Variants in VAV2 observed in about 807,000 individuals in gnomAD.
The protein encoded by VAV2 is vav guanine nucleotide exchange factor 2.
Under a neutral mutation model 132.5 loss-of-function variants are expected in VAV2, and 67 were observed. The observed-to-expected ratio is 0.51, with a 90% CI of 0.42 to 0.62. The LOEUF (loss-of-function observed/expected upper bound fraction) is 0.62, where lower values mean the gene tolerates loss of function less well. Ranked by LOEUF, VAV2 falls within the 20% of genes least tolerant of loss-of-function variation. The pLI is 0.00. For synonymous variants in VAV2, 492 were observed against 443.5 expected (o/e 1.11, Z -1.37); for missense variants, 938 against 1,153.6 (o/e 0.81, Z 2.71).
chr9:133,797,489 G>GAGTC (rs1263053988), intron 10 of VAV2, among the ~76,000 whole-genome samples: 1 of 152,184 alleles, frequency 6.6e-6, no homozygotes, highest in Non-Finnish European at 1.5e-5. Context: ...TCTCCATGGG[G>GAGTC]AGTCTCACTG....
At chr9:133,958,773 C>T (rs1176824545) in intron 1 of VAV2, among the ~76,000 whole-genome samples, 1 of 152,378 alleles carries the variant, frequency 6.6e-6, no homozygotes, top group Admixed American at 6.5e-5. Context: ...CAGAGCACAG[C>T]TCCATCACCA....
intron 4 of VAV2, among the ~76,000 whole-genome samples, chr9:133,829,120 C>A (rs1836164928): frequency 6.6e-6 from 1 of 152,184 alleles, no homozygotes. Flanking sequence ...AAGAGTTGGG[C>A]AGGAACGAAA....
intron 2 of VAV2, among the ~76,000 whole-genome samples, chr9:133,905,041 G>A (rs531376245): frequency 3.9e-5 from 6 of 152,316 alleles, no homozygotes; most frequent in East Asian, 1.9e-4. Context: ...AGCACCACAC[G>A]TGGAGGCTTC....
rs983089094 is a variant in VAV2 at position 133,840,816 on chromosome 9, A to G, written c.381-6476T>C. Among the ~76,000 whole-genome samples, 1 of 152,154 alleles carries G rather than the reference A, an allele frequency of 6.6e-6. No individual in the cohort carries two copies. Among genetic ancestry groups the G allele is most frequent in the South Asian group, 2.1e-4 (1 of 4,830 alleles). ...CAGGACTTCTGTGAAAATCTGCTAG[A>G]AACGATGGCGTCTGCAGGGCACCAC... On this transcript the variant is annotated intron_variant, in intron 3 of 29. Coordinates refer to ENST00000371850, the MANE Select transcript of VAV2 (RefSeq NM_001134398.2). The surrounding 1 kb of genome is among the most constrained non-coding windows in gnomAD (Gnocchi z 4.5).
At position 133,827,744 on chromosome 9, in the gene VAV2, C is replaced by CTGAGCACGGGCATCACCAG. The variant is rs1836085770; in HGVS notation, c.449+6527_449+6528insCTGGTGATGCCCGTGCTCA. 3.3e-4 allele frequency among the ~76,000 whole-genome samples: 2 copies of CTGAGCACGGGCATCACCAG among 6,138 alleles called. 1 individual carries two copies. Among genetic ancestry groups the CTGAGCACGGGCATCACCAG allele is most frequent in the African/African-American group, 8.6e-4 (2 of 2,332 alleles). 4.0% of individuals were successfully genotyped at this position (6,138 alleles called of 152,430 possible). A position where few individuals can be genotyped will look rare whatever the true frequency, so the allele number is the denominator to read the frequency against. On this transcript the variant is annotated intron_variant, in intron 4 of 29. Transcript: ENST00000371850. ...TGACCACTGAGCACGGGCATCACCA[C>CTGAGCACGGGCATCACCAG]CTACCGCTGCGCCCACTGGGGCTGA...
chr9:133,869,767 G>C (rs112094859), intron 2 of VAV2, among the ~76,000 whole-genome samples: 23 of 152,282 alleles, frequency 1.5e-4, no homozygotes, highest in Non-Finnish European at 3.1e-4. Flanking sequence ...CAGTAAGCAG[G>C]AACTGCACAG....
intron 1 of VAV2, among the ~76,000 whole-genome samples, chr9:133,973,521 G>A (rs1342235294): frequency 6.6e-6 from 1 of 152,172 alleles, no homozygotes. Context: ...AAAGGGCAGC[G>A]GTGCAGAAAA....
At position 133,834,431 on chromosome 9, in the gene VAV2, G is replaced by T; in HGVS notation, c.381-91C>A. The stretch of plus-strand genomic sequence containing the variant: ...TGGACCCCACAGCAGAGCCCAGTGT[G>T]GCCCAGCCAGGAGCAAAGGGGCTCT... On this transcript the variant is annotated intron_variant, in intron 3 of 29. Coordinates refer to ENST00000371850, the MANE Select transcript of VAV2 (RefSeq NM_001134398.2). The surrounding 1 kb of genome is among the most constrained non-coding windows in gnomAD (Gnocchi z 5.9). The T allele has an allele frequency of 7.5e-7, 1 of 1,341,504 alleles. No individual in the cohort carries two copies. The highest frequency in any genetic ancestry group is 1.0e-6 in the Non-Finnish European group (1 of 965,418). 83.1% of individuals were successfully genotyped at this position (1,341,504 alleles called of 1,614,324 possible).
Position 133,950,518 on chromosome 9 carries a change from A to T in VAV2, c.205-11299T>A, listed in dbSNP as rs529456172. Among the ~76,000 whole-genome samples, 173 of 152,310 alleles carry T rather than the reference A, an allele frequency of 1.1e-3. 1 individual carries two copies. The highest frequency in any genetic ancestry group is 4.1e-3 in the African/African-American group (171 of 41,574). ...GTGGGTTTAAGCCAAGGCGGGGGGT[A>T]TAAAGAGTGGCCCACACAATCGGGA... On this transcript the variant is annotated intron_variant, in intron 1 of 29. Transcript: ENST00000371850.
intron 13 of VAV2, among the ~76,000 whole-genome samples, chr9:133,789,950 G>A (rs1291306961): frequency 2.0e-5 from 3 of 152,234 alleles, no homozygotes; most frequent in Admixed American, 6.5e-5. Flanking sequence ...ACACGAACAG[G>A]GCCCTGCCTG....
intron 12 of VAV2, 77 bp from the exon 13 acceptor site, chr9:133,791,946 TGG>T (rs1834481816): frequency 5.3e-6 from 2 of 376,088 alleles, no homozygotes; most frequent in Non-Finnish European, 7.3e-6. Context: ...CAGGCTGTAC[TGG>T]GTGGGGTGTG....
chr9:133,909,998 C>T (rs368718783), intron 2 of VAV2, among the ~76,000 whole-genome samples: 1 of 150,780 alleles, frequency 6.6e-6, no homozygotes, highest in Admixed American at 6.6e-5. Flanking sequence ...GACAGCCCCC[C>T]ACGAGCCACA....
At chr9:133,780,027 C>T (rs1271946694) in intron 20 of VAV2, 88 bp from the exon 21 acceptor site, 2 of 1,562,544 alleles carry the variant, frequency 1.3e-6, no homozygotes, top group African/African-American at 2.7e-5. Context: ...CCTCCCTGTC[C>T]CCACTAGTTC....
chr9:133,865,043 G>A (rs1162919388), intron 2 of VAV2, among the ~76,000 whole-genome samples: 3 of 152,246 alleles, frequency 2.0e-5, no homozygotes, highest in Non-Finnish European at 4.4e-5. Flanking sequence ...GTTCAGCAGA[G>A]GATAGGAAGC....
intron 2 of VAV2, among the ~76,000 whole-genome samples, chr9:133,895,426 TC>T (rs1374794697): frequency 1.3e-5 from 2 of 152,214 alleles, no homozygotes; most frequent in African/African-American, 4.8e-5. Context: ...AACTCAAATG[TC>T]CGTCAACAGA....
intron 1 of VAV2, among the ~76,000 whole-genome samples, chr9:133,963,660 C>T (rs879750948): frequency 1.8e-4 from 27 of 152,274 alleles, no homozygotes; most frequent in Middle Eastern, 6.8e-3. Context: ...GAATATAAAA[C>T]GCCACGTTGT....
At chr9:133,889,753 C>T (rs1838855900) in intron 2 of VAV2, among the ~76,000 whole-genome samples, 1 of 151,768 alleles carries the variant, frequency 6.6e-6, no homozygotes, top group Admixed American at 6.6e-5. Flanking sequence ...TTCATTTACA[C>T]ACACACACAA....
chr9:133,969,787 C>A lies in VAV2; in HGVS notation c.204+22288G>T, dbSNP rs1398339391. Among the ~76,000 whole-genome samples, 2 of 152,136 alleles carry A rather than the reference C, an allele frequency of 1.3e-5. No homozygotes were observed. The highest frequency in any genetic ancestry group is 1.9e-4 in the East Asian group (1 of 5,186). On this transcript the variant is annotated intron_variant, in intron 1 of 29. Transcript: ENST00000371850. This position sits in a 1 kb window ranked among gnomAD's most constrained non-coding sequence, Gnocchi z 5.1. ...CATTCCCACTTCTCTCCCCACCCCC[C>A]AGCCTGGACACCCCCATCTGCCTCT...
intron 3 of VAV2, among the ~76,000 whole-genome samples, chr9:133,846,848 C>T (rs1296284708): frequency 3.3e-5 from 5 of 152,258 alleles, no homozygotes; most frequent in African/African-American, 9.6e-5. Context: ...GCGACTTGTC[C>T]GCCCCAGTGA....
Sources: allele counts gnomAD v4.1 joint callset (sites outside exome capture counted in the v4.1 genomes callset), GRCh38; gene constraint gnomAD v4.1.1; non-coding constraint Gnocchi (gnomAD v3.1); transcripts MANE v1.5; gene names NCBI Gene and HGNC (gene_info 2026-07-23, HGNC 2026-07-21).